TEAD4: variants seen among roughly 807,000 people sequenced by gnomAD.
TEAD4 encodes the protein TEA domain transcription factor 4.
In TEAD4, 36 loss-of-function variants were observed where a neutral mutation model predicts 52.4. The observed-to-expected ratio is 0.69, with a 90% confidence interval of 0.53 to 0.91. The LOEUF (loss-of-function observed/expected upper bound fraction) is 0.91. Ranked by LOEUF, TEAD4 falls within the 40% of genes least tolerant of loss-of-function variation. TEAD4 has a pLI of 0.00. For missense variants in TEAD4, 508 were observed against 583.9 expected (o/e 0.87, Z 1.34); for synonymous variants, 220 against 231.0 (o/e 0.95, Z 0.43).
chr12:2,977,535 C>T (rs1009289482), intron 2 of TEAD4, among the ~76,000 whole-genome samples: 2 of 152,170 alleles, frequency 1.3e-5, no homozygotes, highest in Non-Finnish European at 2.9e-5. Context: ...AAGGTGCTGC[C>T]GTGCATTGCC....
intron 5 of TEAD4, 21 bp downstream of exon 5, chr12:3,012,253 G>A (rs776317230): frequency 1.2e-5 from 20 of 1,613,258 alleles, no homozygotes; most frequent in Admixed American, 1.0e-4. Context: ...TGCAGTGGGG[G>A]TGCTGGAGTG....
intron 2 of TEAD4, among the ~76,000 whole-genome samples, chr12:2,974,264 A>G (rs149074598): frequency 0.037 from 5,594 of 152,236 alleles, 164 homozygotes; most frequent in Middle Eastern, 0.065. Context: ...CGGCCTCCCA[A>G]AGTGCTGGGA....
At chr12:3,002,253 T>A (rs879259381) in intron 3 of TEAD4, among the ~76,000 whole-genome samples, 2 of 152,266 alleles carry the variant, frequency 1.3e-5, no homozygotes, top group African/African-American at 2.4e-5. Context: ...TGCATCTTGC[T>A]TATCTGTTCA....
In TEAD4 at chr12:3,040,233, G is replaced by A. The variant is rs1316966542; in HGVS notation, c.1165G>A (p.Val389Met). The A allele has an allele frequency of 1.6e-5, 26 of 1,614,232 alleles. No homozygotes were observed. Among genetic ancestry groups the A allele is most frequent in the Non-Finnish European group, 1.9e-5 (23 of 1,180,046 alleles). Reference sequence around the variant, plus strand: ...CCCTGAGAAGTACATGATGAACAGCGTGCTGGAGAACTTCACCATCCTGCA... The same window carrying A: ...CCCTGAGAAGTACATGATGAACAGCATGCTGGAGAACTTCACCATCCTGCA... The change falls in exon 12 of 13, where the codon GTG becomes ATG. Residue 389 changes from valine (V) to methionine (M), a missense_variant. By Grantham distance (21) the Val-to-Met change is conservative. Transcript: ENST00000359864.
intron 2 of TEAD4, among the ~76,000 whole-genome samples, chr12:2,965,902 C>T (rs2098219867): frequency 6.6e-6 from 1 of 151,958 alleles, no homozygotes; most frequent in Non-Finnish European, 1.5e-5. Flanking sequence ...TGCTCTGTCA[C>T]CCAGGATGGA....
At chr12:2,974,255 G>A (rs561665599) in intron 2 of TEAD4, among the ~76,000 whole-genome samples, 2 of 152,216 alleles carry the variant, frequency 1.3e-5, no homozygotes, top group African/African-American at 2.4e-5. Flanking sequence ...CACCTGCCTC[G>A]GCCTCCCAAA....
intron 10 of TEAD4, among the ~76,000 whole-genome samples, chr12:3,029,205 T>C (rs1245289388): frequency 1.3e-5 from 2 of 150,598 alleles, no homozygotes; most frequent in East Asian, 3.9e-4. Context: ...TAGCTGGGAC[T>C]AGAGGCATGC....
intron 10 of TEAD4, among the ~76,000 whole-genome samples, chr12:3,034,957 C>G: frequency 6.6e-6 from 1 of 151,744 alleles, no homozygotes; most frequent in Non-Finnish European, 1.5e-5. Context: ...AAAAACTAGC[C>G]GAGCGTGGTG....
intron 2 of TEAD4, among the ~76,000 whole-genome samples, chr12:2,979,592 T>C (rs2098232566): frequency 6.6e-6 from 1 of 152,072 alleles, no homozygotes; most frequent in Non-Finnish European, 1.5e-5. Context: ...ATACTGGGAG[T>C]AGTGATTTGG....
intron 2 of TEAD4, among the ~76,000 whole-genome samples, chr12:2,965,041 G>T (rs2098219134): frequency 6.6e-6 from 1 of 152,158 alleles, no homozygotes; most frequent in Non-Finnish European, 1.5e-5. Flanking sequence ...AGGAGGGTAG[G>T]AGTAGGAGAG....
At position 3,038,088 on chromosome 12, in the gene TEAD4, C is replaced by G; in HGVS notation, c.1018C>G (p.Gln340Glu). Residue 340 changes from glutamine to glutamate, a missense_variant, in exon 11 of 13, where the codon CAG becomes GAG. Coordinates refer to ENST00000359864, the MANE Select transcript of TEAD4 (RefSeq NM_003213.4). ...CACGAAGGTCTGCTCTTTCGGCAAG[C>G]AGGTGGTGGAGAAAGTTGAGGTAGG... 1 of 1,613,020 alleles carries G rather than the reference C, an allele frequency of 6.2e-7. No individual in the cohort carries two copies. Among genetic ancestry groups the G allele is most frequent in the Non-Finnish European group, 8.5e-7 (1 of 1,179,200 alleles).
At chr12:3,025,889 CATAA>C in intron 10 of TEAD4, among the ~76,000 whole-genome samples, 1 of 152,058 alleles carries the variant, frequency 6.6e-6, no homozygotes, top group African/African-American at 2.4e-5. Context: ...TATCTTCTGA[CATAA>C]ATAGTCTGAT....
At chr12:3,005,537 C>T (rs2098255197) in intron 3 of TEAD4, among the ~76,000 whole-genome samples, 1 of 151,982 alleles carries the variant, frequency 6.6e-6, no homozygotes, top group South Asian at 2.1e-4. Flanking sequence ...CGCTCTATCG[C>T]CCAGGCTGGA....
intron 2 of TEAD4, among the ~76,000 whole-genome samples, chr12:2,960,829 A>G (rs1488856531): frequency 2.0e-5 from 3 of 152,158 alleles, no homozygotes; most frequent in Admixed American, 6.6e-5. Context: ...TCCTCCCTAC[A>G]TAGCCGTGGG....
rs375211465 is a variant in TEAD4 at position 2,997,813 on chromosome 12, G to GT, written c.226+2821_226+2822insT. Among the ~76,000 whole-genome samples the GT allele has an allele frequency of 2.3e-3, 354 of 151,028 alleles. 4 individuals carry two copies. Among genetic ancestry groups the GT allele is most frequent in the African/African-American group, 7.8e-3 (319 of 40,948 alleles). ...TTGAGGACTTGCTTTTTCGGGGGGGGGGTGTGTGTGTGTTAAAAAATACGT... is the reference window on the plus strand; with the variant it reads ...TTGAGGACTTGCTTTTTCGGGGGGGGTGGTGTGTGTGTGTTAAAAAATACGT... On this transcript the variant is annotated intron_variant, in intron 3 of 12. Coordinates refer to ENST00000359864, the MANE Select transcript of TEAD4 (RefSeq NM_003213.4).
chr12:3,037,956 G>C lies in TEAD4; in HGVS notation c.898-12G>C. 2 of 1,607,618 alleles carry C rather than the reference G, an allele frequency of 1.2e-6. No individual in the cohort carries two copies. Among genetic ancestry groups the C allele is most frequent in the South Asian group, 1.1e-5 (1 of 90,592 alleles). On this transcript the variant is annotated splice_polypyrimidine_tract_variant and intron_variant, in intron 10 of 12. Transcript: ENST00000359864. ...GCTGACACTCCCTCGCCTTCCCACTGTCTCCCTCCAGGCAGACCTCAACAC... is the reference window on the plus strand; with the variant it reads ...GCTGACACTCCCTCGCCTTCCCACTCTCTCCCTCCAGGCAGACCTCAACAC...
intron 3 of TEAD4, among the ~76,000 whole-genome samples, chr12:3,009,556 C>G: frequency 6.6e-6 from 1 of 152,264 alleles, no homozygotes; most frequent in Non-Finnish European, 1.5e-5. Flanking sequence ...CTCACCAGCT[C>G]CCAGGTCTGT....
At chr12:2,964,726 C>A (rs2098218837) in intron 2 of TEAD4, among the ~76,000 whole-genome samples, 1 of 151,928 alleles carries the variant, frequency 6.6e-6, no homozygotes, top group East Asian at 1.9e-4. Flanking sequence ...CCCGCCTCGG[C>A]CTCCCAGAGT....
intron 5 of TEAD4, among the ~76,000 whole-genome samples, chr12:3,015,922 T>TAATC (rs2098264153): frequency 6.6e-6 from 1 of 152,158 alleles, no homozygotes; most frequent in Non-Finnish European, 1.5e-5. Flanking sequence ...CTCATGCCTA[T>TAATC]AATCCAGCAC....
Sources: allele counts gnomAD v4.1 joint callset (sites outside exome capture counted in the v4.1 genomes callset), GRCh38; gene constraint gnomAD v4.1.1; transcripts MANE v1.5; gene names NCBI Gene and HGNC (gene_info 2026-07-23, HGNC 2026-07-21).